Variants in FGF10 observed in about 807,000 individuals in gnomAD.
FGF10 encodes the protein FGF-10.
A neutral mutation model predicts 19.8 loss-of-function variants in FGF10; 2 were observed. The ratio of observed to expected loss-of-function variants is 0.10; its 90% CI spans 0.04 to 0.32. The LOEUF (loss-of-function observed/expected upper bound fraction) is 0.32, where lower values mean the gene tolerates loss of function less well. Ranked by LOEUF, FGF10 falls within the 10% of genes least tolerant of loss-of-function variation. The pLI is 1.00. For synonymous variants in FGF10, 112 were observed against 94.0 expected, an observed-to-expected ratio of 1.19 and a Z score of -1.10; for missense variants, 191 against 246.3, an observed-to-expected ratio of 0.78 and a Z score of 1.50.
intron 1 of FGF10, among the ~76,000 whole-genome samples, chr5:44,368,176 T>C (rs889318877): frequency 2.6e-5 from 4 of 151,932 alleles, no homozygotes; most frequent in African/African-American, 9.7e-5. Context: ...CATGAGAGGG[T>C]AGGATGGTCT....
At chr5:44,357,017 A>G (rs1469148192) in intron 1 of FGF10, among the ~76,000 whole-genome samples, 1 of 151,316 alleles carries the variant, frequency 6.6e-6, no homozygotes, top group African/African-American at 2.4e-5. Flanking sequence ...TCAACTGCCA[A>G]AACTGTTTGA....
chr5:44,347,537 T>C (rs1212786915), intron 1 of FGF10, among the ~76,000 whole-genome samples: 1 of 151,782 alleles, frequency 6.6e-6, no homozygotes, highest in African/African-American at 2.4e-5. Context: ...TCAAAAACTC[T>C]GAGGGCTGTT....
At chr5:44,348,974 G>T (rs1355262767) in intron 1 of FGF10, among the ~76,000 whole-genome samples, 1 of 151,472 alleles carries the variant, frequency 6.6e-6, no homozygotes, top group Non-Finnish European at 1.5e-5. Context: ...GTTGCATGGT[G>T]AACCAGGGTT....
At chr5:44,371,779 A>G (rs1485659961) in intron 1 of FGF10, among the ~76,000 whole-genome samples, 16 of 152,192 alleles carry the variant, frequency 1.1e-4, no homozygotes, top group Admixed American at 1.0e-3. Context: ...CTAAAATTTG[A>G]GGTTCCATTA....
intron 2 of FGF10, among the ~76,000 whole-genome samples, chr5:44,309,623 C>T (rs1419116329): frequency 1.3e-5 from 2 of 151,990 alleles, no homozygotes; most frequent in African/African-American, 4.8e-5. Context: ...GCATTTTTTT[C>T]TAAGGACTTG....
intron 1 of FGF10, among the ~76,000 whole-genome samples, chr5:44,368,838 T>C (rs941732581): frequency 2.0e-5 from 3 of 152,008 alleles, no homozygotes; most frequent in African/African-American, 7.2e-5. Context: ...GCTAATTTTT[T>C]TTTATTTTTT....
intron 1 of FGF10, among the ~76,000 whole-genome samples, chr5:44,327,013 A>G (rs1272713760): frequency 6.6e-6 from 1 of 152,088 alleles, no homozygotes. Flanking sequence ...CAGGGTACTC[A>G]GTGGGGTAAA....
chr5:44,306,548 G>A (rs1740080905), intron 2 of FGF10, among the ~76,000 whole-genome samples: 1 of 152,244 alleles, frequency 6.6e-6, no homozygotes, highest in African/African-American at 2.4e-5. Flanking sequence ...GCATAGTTCA[G>A]TTGAGGACTG....
At chr5:44,345,372 C>T (rs1008019300) in intron 1 of FGF10, among the ~76,000 whole-genome samples, 2 of 151,602 alleles carry the variant, frequency 1.3e-5, no homozygotes, top group African/African-American at 4.8e-5. Flanking sequence ...TTTCTGTTTA[C>T]AAGACTATTA....
chr5:44,360,255 A>G (rs1741449655), intron 1 of FGF10, among the ~76,000 whole-genome samples: 1 of 151,634 alleles, frequency 6.6e-6, no homozygotes, highest in African/African-American at 2.4e-5. Flanking sequence ...GGTTTCACTT[A>G]ATTGTTTAAA....
At chr5:44,371,465 C>T (rs1357654137) in intron 1 of FGF10, among the ~76,000 whole-genome samples, 1 of 152,098 alleles carries the variant, frequency 6.6e-6, no homozygotes, top group Non-Finnish European at 1.5e-5. Flanking sequence ...AAAAATTGGT[C>T]TTCTCTCACC....
In FGF10 at chr5:44,304,418, C is replaced by T. The variant is rs759573938; in HGVS notation, c.*577G>A. On this transcript the variant is annotated 3_prime_UTR_variant, in exon 3 of 3. Coordinates refer to ENST00000264664, the MANE Select transcript of FGF10 (RefSeq NM_004465.2). ...AGGCAGAATGCACAAGCATACCATA[C>T]TATTTGTATTGTTAGAACAGTTTCA... 6.5e-6 allele frequency: 1 copy of T among 154,076 alleles called. No homozygotes were observed. Among genetic ancestry groups the T allele is most frequent in the South Asian group, 2.0e-4 (1 of 4,980 alleles). 9.5% of individuals were successfully genotyped at this position (154,076 alleles called of 1,614,324 possible).
intron 2 of FGF10, among the ~76,000 whole-genome samples, chr5:44,305,655 T>A (rs912897536): frequency 1.5e-4 from 23 of 152,072 alleles, no homozygotes; most frequent in Non-Finnish European, 3.4e-4. Flanking sequence ...AAATCCATAA[T>A]AAATACACAC....
At chr5:44,343,721 C>T (rs531894095) in intron 1 of FGF10, among the ~76,000 whole-genome samples, 15 of 152,044 alleles carry the variant, frequency 9.9e-5, no homozygotes, top group African/African-American at 3.1e-4. Context: ...CAAAACATAG[C>T]ATATAGCCAC....
chr5:44,323,451 C>T (rs918220849), intron 1 of FGF10, among the ~76,000 whole-genome samples: 1 of 152,102 alleles, frequency 6.6e-6, no homozygotes, highest in Non-Finnish European at 1.5e-5. Flanking sequence ...ATGGGAAAAG[C>T]AACACTGGGC....
chr5:44,316,672 A>T (rs910385551), intron 1 of FGF10, among the ~76,000 whole-genome samples: 5 of 152,230 alleles, frequency 3.3e-5, no homozygotes, highest in African/African-American at 1.2e-4. Flanking sequence ...CACACAAGTA[A>T]TAGCGGCAGC....
chr5:44,341,531 A>G (rs1048128194), intron 1 of FGF10, among the ~76,000 whole-genome samples: 26 of 152,048 alleles, frequency 1.7e-4, no homozygotes, highest in African/African-American at 1.7e-4. Context: ...GTTTTCAAGT[A>G]GGTAAGTTAT....
At position 44,317,360 on chromosome 5, in the gene FGF10, C is replaced by T. The variant is rs113652377; in HGVS notation, c.326-6830G>A. 7.9e-5 allele frequency among the ~76,000 whole-genome samples: 12 copies of T among 152,192 alleles called. 3 individuals are homozygous for T. Among genetic ancestry groups the T allele is most frequent in the African/African-American group, 2.6e-4 (11 of 41,544 alleles). On this transcript the variant is annotated intron_variant, in intron 1 of 2. Coordinates refer to ENST00000264664, the MANE Select transcript of FGF10 (RefSeq NM_004465.2). ...CCAAAATGACATTTTACATTCTCAC[C>T]TGATAATTCAAGTCATAGGATAAAT...
intron 1 of FGF10, among the ~76,000 whole-genome samples, chr5:44,326,890 G>A (rs777762390): frequency 1.3e-5 from 2 of 152,148 alleles, no homozygotes; most frequent in East Asian, 1.9e-4. Flanking sequence ...GAAGAAAGAA[G>A]TGCTCGGTGT....
Sources: allele counts gnomAD v4.1 joint callset (sites outside exome capture counted in the v4.1 genomes callset), GRCh38; gene constraint gnomAD v4.1.1; transcripts MANE v1.5; gene names NCBI Gene and HGNC (gene_info 2026-07-23, HGNC 2026-07-21).